PPDPFL: variants seen among roughly 807,000 people sequenced by gnomAD.
The protein encoded by PPDPFL is pancreatic progenitor cell differentiation and proliferation factor like.
Under a neutral mutation model 12.6 loss-of-function variants are expected in PPDPFL, and 12 were observed. The observed-to-expected ratio is 0.95, with a 90% confidence interval of 0.61 to 1.54. The LOEUF (loss-of-function observed/expected upper bound fraction) is 1.54. Among genes scored for constraint, PPDPFL ranks in the 40% most tolerant of loss-of-function variants. PPDPFL has a pLI of 0.00. For missense variants in PPDPFL, 114 were observed against 96.0 expected (o/e 1.19, Z -0.78); for synonymous variants, 24 against 32.7 (o/e 0.73, Z 0.91).
chr8:49,074,417 A>T, intron 4 of PPDPFL, 84 bp downstream of exon 4: 1 of 1,569,920 alleles, frequency 6.4e-7, no homozygotes, highest in South Asian at 1.1e-5. Context: ...CTACTCACTT[A>T]GGGTACATAG....
chr8:49,072,965 C>A (rs1808420068), intron 2 of PPDPFL, 80 bp downstream of exon 2: 2 of 1,247,174 alleles, frequency 1.6e-6, no homozygotes, highest in South Asian at 2.6e-5. Flanking sequence ...ACACAGGTAT[C>A]ATGTTACCTT....
At chr8:49,066,939 T>C (rs1171464224) in intron 1 of PPDPFL, among the ~76,000 whole-genome samples, 3 of 152,168 alleles carry the variant, frequency 2.0e-5, no homozygotes, top group Non-Finnish European at 4.4e-5. Context: ...GGATCTTTTC[T>C]GGAGAATCCT....
chr8:49,060,780 T>G (rs1480376478), intron 1 of PPDPFL, among the ~76,000 whole-genome samples: 1 of 152,180 alleles, frequency 6.6e-6, no homozygotes, highest in Non-Finnish European at 1.5e-5. Flanking sequence ...AAAATTGGCG[T>G]AATGGAAGAT....
intron 1 of PPDPFL, 141 bp downstream of exon 1, chr8:49,072,623 T>C (rs1808411858): frequency 1.3e-5 from 6 of 452,412 alleles, no homozygotes; most frequent in Non-Finnish European, 2.3e-5. Flanking sequence ...TGCATCTTTT[T>C]ATTGCAGTAT....
upstream of PPDPFL, among the ~76,000 whole-genome samples, chr8:49,071,029 T>G (rs1481720078): frequency 1.3e-5 from 2 of 152,146 alleles, no homozygotes; most frequent in Admixed American, 6.5e-5. Context: ...CAACATCTCC[T>G]GACTCCCCGA....
At chr8:49,062,435 G>A (rs1386220639) in intron 1 of PPDPFL, among the ~76,000 whole-genome samples, 1 of 152,180 alleles carries the variant, frequency 6.6e-6, no homozygotes, top group African/African-American at 2.4e-5. Flanking sequence ...TGTGCATGCT[G>A]GAGTGGGTGT....
At chr8:49,075,045 G>GAAAGATGT in intron 4 of PPDPFL, 107 bp from the exon 5 acceptor site, 1 of 1,492,810 alleles carries the variant, frequency 6.7e-7, no homozygotes, top group Non-Finnish European at 9.1e-7. Context: ...TTGATTGTTG[G>GAAAGATGT]AAAGATGTTT....
chr8:49,066,675 G>A (rs940413711), intron 1 of PPDPFL, among the ~76,000 whole-genome samples: 1 of 152,166 alleles, frequency 6.6e-6, no homozygotes, highest in African/African-American at 2.4e-5. Context: ...GTTTTGGGCT[G>A]CCTTCTTCTA....
Position 49,075,397 on chromosome 8 carries a change from C to T in PPDPFL, c.*224C>T. On this transcript the variant is annotated 3_prime_UTR_variant, in exon 5 of 5. Transcript: ENST00000522267. Reference sequence around the variant, plus strand: ...TTATGAGACAAGATCACAGCAGCCACTGATATAAAAAAAGTTTAGGCATTT... The same window carrying T: ...TTATGAGACAAGATCACAGCAGCCATTGATATAAAAAAAGTTTAGGCATTT... The T allele has an allele frequency of 2.2e-6, 2 of 924,264 alleles. No individual in the cohort carries two copies. Among genetic ancestry groups the T allele is most frequent in the Admixed American group, 2.0e-5 (1 of 50,802 alleles). The allele number at this position is 924,264 out of a possible 1,614,324, so 57.3% of individuals were successfully genotyped here.
chr8:49,066,961 C>A (rs1252238926), intron 1 of PPDPFL, among the ~76,000 whole-genome samples: 1 of 152,130 alleles, frequency 6.6e-6, no homozygotes, highest in African/African-American at 2.4e-5. Context: ...CTCATGAGAG[C>A]ACACTGCTCT....
chr8:49,073,022 G>T, intron 2 of PPDPFL, 137 bp downstream of exon 2: 1 of 767,116 alleles, frequency 1.3e-6, no homozygotes, highest in Admixed American at 3.0e-5. Flanking sequence ...GAAAGCAGGA[G>T]GCCTCAGGGA....
chr8:49,057,624 A>G (rs148188063), intron 1 of PPDPFL, among the ~76,000 whole-genome samples: 1 of 152,238 alleles, frequency 6.6e-6, no homozygotes, highest in Non-Finnish European at 1.5e-5. Flanking sequence ...TACACTCACC[A>G]AAAGGCCTAC....
intron 2 of PPDPFL, among the ~76,000 whole-genome samples, chr8:49,073,270 C>T (rs1331690258): frequency 2.0e-5 from 3 of 152,170 alleles, no homozygotes; most frequent in Non-Finnish European, 2.9e-5. Flanking sequence ...TTTCTAATTT[C>T]CATCTTCTGC....
chr8:49,060,230 C>T (rs1371301319), intron 1 of PPDPFL, among the ~76,000 whole-genome samples: 3 of 152,040 alleles, frequency 2.0e-5, no homozygotes, highest in Non-Finnish European at 4.4e-5. Flanking sequence ...TGGACTTGGG[C>T]TCTTTGATAA....
At chr8:49,073,704 T>C (rs1015121661) in intron 2 of PPDPFL, among the ~76,000 whole-genome samples, 8 of 152,222 alleles carry the variant, frequency 5.3e-5, no homozygotes, top group African/African-American at 7.2e-5. Flanking sequence ...ACTTTAAATA[T>C]ACATATATGT....
Position 49,075,350 on chromosome 8 carries a change from AG to A in PPDPFL, c.*178del, listed in dbSNP as rs1421566005. The A allele has an allele frequency of 3.1e-6, 4 of 1,304,672 alleles. No individual in the cohort carries two copies. Among genetic ancestry groups the A allele is most frequent in the East Asian group, 4.6e-5 (2 of 43,538 alleles). The allele number at this position is 1,304,672 out of a possible 1,614,324, so 80.8% of individuals were successfully genotyped here. A position where few individuals can be genotyped will look rare whatever the true frequency, so the allele number is the denominator to read the frequency against. On this transcript the variant is annotated 3_prime_UTR_variant, in exon 5 of 5. Transcript: ENST00000522267. ...GGACTCTTCTCCATTGTAAGAAGAC[AG>A]AAATGTGTCTGAGATCTCATTTATG...
At chr8:49,059,863 G>A (rs1808169573) in intron 1 of PPDPFL, among the ~76,000 whole-genome samples, 1 of 152,086 alleles carries the variant, frequency 6.6e-6, no homozygotes, top group African/African-American at 2.4e-5. Context: ...ATTTAGCCAA[G>A]GTAATGTTTT....
chr8:49,059,893 C>G (rs867123347), intron 1 of PPDPFL, among the ~76,000 whole-genome samples: 1 of 151,766 alleles, frequency 6.6e-6, no homozygotes, highest in African/African-American at 2.4e-5. Context: ...TCTTTTTTTT[C>G]TTTCATGTGA....
At chr8:49,068,033 C>T (rs754725647), upstream of PPDPFL, among the ~76,000 whole-genome samples, 1 of 152,144 alleles carries the variant, frequency 6.6e-6, no homozygotes, top group Admixed American at 6.5e-5. Flanking sequence ...TCAGTTATAG[C>T]ATTTAAATCT....
Sources: gnomAD v4.1 joint callset for allele counts (sites outside exome capture counted in the v4.1 genomes callset) on GRCh38, gnomAD v4.1.1 for gene constraint, MANE v1.5 for transcripts, NCBI Gene and HGNC (gene_info 2026-07-23, HGNC 2026-07-21) for gene names.